Variants in SHE observed in about 807,000 individuals in gnomAD.
The protein encoded by SHE is SH2 domain-containing adapter protein E.
SHE carries 11 observed loss-of-function variants against 49.8 expected under a neutral mutation model. The ratio of observed to expected loss-of-function variants is 0.22; its 90% CI spans 0.14 to 0.37. SHE has a LOEUF of 0.37. Among genes scored for constraint, SHE ranks in the 10% least tolerant of loss-of-function variants. SHE has a pLI of 1.00. For synonymous variants in SHE, 310 were observed against 278.1 expected, an observed-to-expected ratio of 1.11 and a Z score of -1.14; for missense variants, 624 against 655.5, an observed-to-expected ratio of 0.95 and a Z score of 0.52.
At chr1:154,495,727 T>C (rs1024596264) in intron 2 of SHE, among the ~76,000 whole-genome samples, 6 of 79,054 alleles carry the variant, frequency 7.6e-5, no homozygotes, top group African/African-American at 2.2e-4. Context: ...CAGGGCCTAG[T>C]ACATAATAAA....
chr1:154,470,934 C>T (rs764031321), intron 1 of SHE, among the ~76,000 whole-genome samples: 18 of 151,250 alleles, frequency 1.2e-4, no homozygotes, highest in Admixed American at 2.0e-4. Flanking sequence ...TGCTTGAACC[C>T]GGGAGGCGGA....
exon 2 of SHE, chr1:154,470,253 T>A (rs1429966989): frequency 2.4e-6 from 3 of 1,246,952 alleles, no homozygotes; most frequent in Non-Finnish European, 2.1e-6. Flanking sequence ...GAGTGGGCAC[T>A]GGAGCCAGGA....
chr1:154,487,926 T>C (rs1222082492), intron 3 of SHE, among the ~76,000 whole-genome samples: 1 of 151,250 alleles, frequency 6.6e-6, no homozygotes. Context: ...CCTTCACCCT[T>C]TACATTGGTT....
intron 4 of SHE, among the ~76,000 whole-genome samples, chr1:154,486,302 ACT>A (rs1300716208): frequency 6.6e-6 from 1 of 152,104 alleles, no homozygotes; most frequent in African/African-American, 2.4e-5. Context: ...AACAGTTTTC[ACT>A]CTCTACAGAA....
chr1:154,499,516 G>C (rs569169751), intron 1 of SHE, among the ~76,000 whole-genome samples: 38 of 152,216 alleles, frequency 2.5e-4, no homozygotes, highest in Non-Finnish European at 3.7e-4. Flanking sequence ...AACATTTTCT[G>C]GGTTAGAGGG....
intron 2 of SHE, among the ~76,000 whole-genome samples, chr1:154,490,352 G>A (rs1692325270): frequency 6.6e-6 from 1 of 152,190 alleles, no homozygotes; most frequent in South Asian, 2.1e-4. Context: ...CTAAGATTAT[G>A]GGATATCATT....
intron 2 of SHE, among the ~76,000 whole-genome samples, chr1:154,493,595 T>C (rs766491738): frequency 6.6e-6 from 1 of 152,196 alleles, no homozygotes; most frequent in Non-Finnish European, 1.5e-5. Flanking sequence ...AAACATGCAG[T>C]TGGTTGGTGT....
exon 2 of SHE, chr1:154,470,311 A>T (rs1158144213): frequency 7.8e-7 from 1 of 1,288,986 alleles, no homozygotes; most frequent in Non-Finnish European, 1.0e-6. Context: ...TGTTAGGATG[A>T]CATGGTTACG....
At position 154,479,625 on chromosome 1, in the gene SHE, C is replaced by A; in HGVS notation, c.*4524G>T. On this transcript the variant is annotated 3_prime_UTR_variant, in exon 6 of 6. Coordinates refer to ENST00000304760, the MANE Select transcript of SHE (RefSeq NM_001010846.3). ...AAATTACTAAGGCACTATAGATAGA[C>A]ACCTATATTACATACAATCTTCAAA... The A allele has an allele frequency of 1.3e-5, 12 of 955,866 alleles. No individual in the cohort carries two copies. The highest frequency in any genetic ancestry group is 1.5e-5 in the Non-Finnish European group (12 of 803,028). The allele number at this position is 955,866 out of a possible 1,614,324, so 59.2% of individuals were successfully genotyped here.
chr1:154,501,913 C>A lies in SHE; in HGVS notation c.114G>T (p.Ala38=). The A allele has an allele frequency of 6.7e-7, 1 of 1,502,952 alleles. No homozygotes were observed. The highest frequency in any genetic ancestry group is 1.2e-5 in the South Asian group (1 of 80,180). The allele number at this position is 1,502,952 out of a possible 1,614,324, so 93.1% of individuals were successfully genotyped here. Residue 38 remains alanine, a synonymous_variant, in exon 1 of 6, where the codon GCG becomes GCT. Coordinates refer to ENST00000304760, the MANE Select transcript of SHE (RefSeq NM_001010846.3). ...LGRAGRGPLM[A]AKWFKEFPLN... The stretch of plus-strand genomic sequence containing the variant: ...GGGGGAACTCCTTGAACCACTTGGC[C>A]GCCATGAGGGGGCCCCGGCCGGCTC...
At chr1:154,490,334 C>T (rs1189150294) in intron 2 of SHE, among the ~76,000 whole-genome samples, 1 of 152,244 alleles carries the variant, frequency 6.6e-6, no homozygotes, top group Non-Finnish European at 1.5e-5. Context: ...GTAACTTTCA[C>T]AATCACTCTA....
chr1:154,486,303 C>G (rs1442794833), intron 4 of SHE, among the ~76,000 whole-genome samples: 1 of 152,212 alleles, frequency 6.6e-6, no homozygotes, highest in Admixed American at 6.5e-5. Context: ...ACAGTTTTCA[C>G]TCTCTACAGA....
chr1:154,493,572 C>A (rs1485974841), intron 2 of SHE, among the ~76,000 whole-genome samples: 1 of 152,222 alleles, frequency 6.6e-6, no homozygotes, highest in East Asian at 1.9e-4. Context: ...CAGCACTGAC[C>A]TGCACCTACT....
At chr1:154,488,961 G>T in intron 3 of SHE, 90 bp downstream of exon 3, 1 of 1,436,680 alleles carries the variant, frequency 7.0e-7, no homozygotes, top group Non-Finnish European at 9.3e-7. Flanking sequence ...GAATATAAAG[G>T]TACCCACAAG....
At chr1:154,491,582 T>A (rs573370615) in intron 2 of SHE, among the ~76,000 whole-genome samples, 1 of 152,354 alleles carries the variant, frequency 6.6e-6, no homozygotes, top group East Asian at 1.9e-4. Flanking sequence ...TCCATTTATA[T>A]GTTGATGTGT....
chr1:154,482,365 T>C lies in SHE; in HGVS notation c.*1784A>G. The C allele has an allele frequency of 1.0e-6, 1 of 985,410 alleles. No individual in the cohort carries two copies. The highest frequency in any genetic ancestry group is 1.2e-6 in the Non-Finnish European group (1 of 829,924). 61.0% of individuals were successfully genotyped at this position (985,410 alleles called of 1,614,324 possible). A position where few individuals can be genotyped will look rare whatever the true frequency, so the allele number is the denominator to read the frequency against. ...TGTTCCAGTGAGGAAAAGTTCCTCT[T>C]AAATTTTTAAAATCAAAGATCACAC... On this transcript the variant is annotated 3_prime_UTR_variant, in exon 6 of 6. Coordinates refer to ENST00000304760, the MANE Select transcript of SHE (RefSeq NM_001010846.3).
At chr1:154,488,807 G>C (rs1179540511) in intron 3 of SHE, among the ~76,000 whole-genome samples, 1 of 152,156 alleles carries the variant, frequency 6.6e-6, no homozygotes, top group Non-Finnish European at 1.5e-5. Context: ...GGCTGGTCTT[G>C]AACTCCTGGG....
At chr1:154,477,102 G>A (rs1465008133), downstream of SHE, among the ~76,000 whole-genome samples, 1 of 152,208 alleles carries the variant, frequency 6.6e-6, no homozygotes, top group East Asian at 1.9e-4. Flanking sequence ...CCTCTCCCAA[G>A]CAGGGGAAAG....
Position 154,489,962 on chromosome 1 carries a change from C to T in SHE, c.719-606G>A, listed in dbSNP as rs116394845. 8.7e-3 allele frequency among the ~76,000 whole-genome samples: 1,327 copies of T among 152,310 alleles called. 24 individuals are homozygous for T. The highest frequency in any genetic ancestry group is 0.031 in the African/African-American group (1,272 of 41,550). On this transcript the variant is annotated intron_variant, in intron 2 of 5. Coordinates refer to ENST00000304760, the MANE Select transcript of SHE (RefSeq NM_001010846.3). Reference sequence around the variant, plus strand: ...ATCTACTGAATGCTCAAAGTAAAAACCAGAATGGCTGTATGTGACTCGAAG... The same window carrying T: ...ATCTACTGAATGCTCAAAGTAAAAATCAGAATGGCTGTATGTGACTCGAAG...
Sources: allele counts gnomAD v4.1 joint callset (sites outside exome capture counted in the v4.1 genomes callset), GRCh38; gene constraint gnomAD v4.1.1; transcripts MANE v1.5; gene names NCBI Gene and HGNC (gene_info 2026-07-23, HGNC 2026-07-21).